Variants in GRIA1 observed in about 807,000 individuals in gnomAD.
GRIA1 encodes the protein glutamate ionotropic receptor AMPA type subunit 1, also known as glutamate receptor 1.
A neutral mutation model predicts 99.2 loss-of-function variants in GRIA1; 31 were observed. That is an observed-to-expected ratio of 0.31 (90% CI 0.23 to 0.42). GRIA1 has a LOEUF of 0.42. Ranked by LOEUF, GRIA1 falls within the 10% of genes least tolerant of loss-of-function variation. The probability of loss-of-function intolerance (pLI) is 1.00; values close to 1 mark genes in which losing one functional copy is unlikely to be tolerated. For synonymous variants in GRIA1, 438 were observed against 432.4 expected (o/e 1.01, Z -0.16); for missense variants, 782 against 1,157.5 (o/e 0.68, Z 4.71).
At chr5:153,612,158 C>T (rs1488025918) in intron 2 of GRIA1, among the ~76,000 whole-genome samples, 2 of 152,160 alleles carry the variant, frequency 1.3e-5, no homozygotes, top group African/African-American at 4.8e-5. Flanking sequence ...GCCATTGGCA[C>T]CTAGGTGGGA....
chr5:153,530,371 T>A (rs1484458222), intron 2 of GRIA1, among the ~76,000 whole-genome samples: 1 of 152,240 alleles, frequency 6.6e-6, no homozygotes, highest in African/African-American at 2.4e-5. Context: ...ATGCGACAGT[T>A]TGCTCTCCAA....
At chr5:153,496,595 C>T (rs1025119210) in intron 2 of GRIA1, among the ~76,000 whole-genome samples, 24 of 152,202 alleles carry the variant, frequency 1.6e-4, no homozygotes, top group Middle Eastern at 6.8e-3. Flanking sequence ...GCTGGAGGAG[C>T]CTCTCTTAAA....
intron 2 of GRIA1, among the ~76,000 whole-genome samples, chr5:153,622,987 G>A (rs1054458675): frequency 6.6e-6 from 1 of 152,226 alleles, no homozygotes; most frequent in Non-Finnish European, 1.5e-5. Context: ...AGTGAGAGGA[G>A]TTGATCACTT....
intron 7 of GRIA1, among the ~76,000 whole-genome samples, chr5:153,685,961 T>G (rs1757311039): frequency 6.6e-6 from 1 of 152,206 alleles, no homozygotes; most frequent in Non-Finnish European, 1.5e-5. Flanking sequence ...CATTTCACAT[T>G]AGTATGCACT....
chr5:153,539,414 T>A (rs902624335), intron 2 of GRIA1, among the ~76,000 whole-genome samples: 1 of 152,236 alleles, frequency 6.6e-6, no homozygotes, highest in Non-Finnish European at 1.5e-5. Flanking sequence ...TTTCACTTAA[T>A]AGCAGGAATA....
intron 2 of GRIA1, among the ~76,000 whole-genome samples, chr5:153,601,454 T>C (rs908554983): frequency 2.6e-5 from 4 of 152,246 alleles, no homozygotes; most frequent in Non-Finnish European, 4.4e-5. Context: ...GCATTTTTGG[T>C]TTCTGACCTT....
At chr5:153,788,717 T>A (rs1159658050) in intron 13 of GRIA1, among the ~76,000 whole-genome samples, 1 of 152,242 alleles carries the variant, frequency 6.6e-6, no homozygotes, top group Non-Finnish European at 1.5e-5. Context: ...GCATGAACCA[T>A]GTTTGTCTTA....
chr5:153,767,320 A>G (rs1299604226), intron 12 of GRIA1, among the ~76,000 whole-genome samples: 1 of 152,188 alleles, frequency 6.6e-6, no homozygotes, highest in Non-Finnish European at 1.5e-5. Context: ...AGGTTATGCT[A>G]CTTGCCCAAC....
At chr5:153,753,922 G>A (rs1015498908) in intron 11 of GRIA1, among the ~76,000 whole-genome samples, 1 of 152,198 alleles carries the variant, frequency 6.6e-6, no homozygotes. Flanking sequence ...AAATTTCCAA[G>A]TGCTTTCCCC....
At position 153,770,329 on chromosome 5, in the gene GRIA1, G is replaced by A. The variant is rs1226307067; in HGVS notation, c.2184G>A (p.Gln728=). The change falls in exon 13 of 16, where the codon CAG becomes CAA. Residue 728 remains glutamine, a synonymous_variant. Transcript: ENST00000285900. ...LESTMNEYIE[Q]RKPCDTMKVG... is the part of the protein sequence containing the mutation. ...CCACCATGAATGAGTACATTGAGCA[G>A]CGGAAACCCTGTGACACCATGAAGG... The A allele has an allele frequency of 6.2e-7, 1 of 1,614,002 alleles. No individual in the cohort carries two copies. Among genetic ancestry groups the A allele is most frequent in the Non-Finnish European group, 8.5e-7 (1 of 1,179,920 alleles).
At position 153,691,506 on chromosome 5, in the gene GRIA1, G is replaced by A. The variant is rs13358769; in HGVS notation, c.1134+5177G>A. On this transcript the variant is annotated intron_variant, in intron 8 of 15. Coordinates refer to ENST00000285900, the MANE Select transcript of GRIA1 (RefSeq NM_000827.4). ...GTTTATTATCCCCACTTCTGACCCT[G>A]TGTATAACTAGAATGAAAAGACTGG... 5.6e-3 allele frequency among the ~76,000 whole-genome samples: 853 copies of A among 152,234 alleles called. 9 individuals are homozygous for A. The highest frequency in any genetic ancestry group is 0.02 in the African/African-American group (815 of 41,538).
At chr5:153,688,034 A>G (rs11958105) in intron 8 of GRIA1, among the ~76,000 whole-genome samples, 25,822 of 152,132 alleles carry the variant, frequency 0.17, 2,487 homozygotes, top group African/African-American at 0.25. Context: ...AAGGCCACCT[A>G]TATTCCTTGG....
At chr5:153,522,101 T>G (rs1003202208) in intron 2 of GRIA1, among the ~76,000 whole-genome samples, 1 of 152,210 alleles carries the variant, frequency 6.6e-6, no homozygotes, top group African/African-American at 2.4e-5. Flanking sequence ...ACACATTGCC[T>G]GTGGATAAGT....
chr5:153,647,696 T>C (rs78478407), intron 3 of GRIA1, among the ~76,000 whole-genome samples: 6,215 of 152,322 alleles, frequency 0.041, 145 homozygotes, highest in Middle Eastern at 0.088. Flanking sequence ...CTTTCTCTGT[T>C]TTAGATGTTA....
intron 2 of GRIA1, among the ~76,000 whole-genome samples, chr5:153,561,966 C>G (rs72800792): frequency 1.3e-5 from 2 of 152,028 alleles, no homozygotes; most frequent in Admixed American, 1.3e-4. Flanking sequence ...TAAAGCAAAG[C>G]GATAGAACAC....
At position 153,506,567 on chromosome 5, in the gene GRIA1, G is replaced by A. The variant is rs1394832495; in HGVS notation, c.220+12502G>A. On this transcript the variant is annotated intron_variant, in intron 2 of 15. Transcript: ENST00000285900. The stretch of plus-strand genomic sequence containing the variant: ...TTAGAAAGGAGTCTCCCTTGAGCAA[G>A]CAGGATAAGCTCCAGCATCCCTAAT... Among the ~76,000 whole-genome samples the A allele has an allele frequency of 2.0e-5, 3 of 152,098 alleles. No homozygotes were observed. In the East Asian group the frequency reaches 5.8e-4, roughly 29 times the overall value.
At chr5:153,604,659 C>T (rs745719589) in intron 2 of GRIA1, among the ~76,000 whole-genome samples, 29 of 152,146 alleles carry the variant, frequency 1.9e-4, no homozygotes, top group Non-Finnish European at 5.9e-5. Context: ...TTCTTTAGAA[C>T]TTTACCACCT....
At chr5:153,645,356 C>A (rs1302001970) in intron 2 of GRIA1, among the ~76,000 whole-genome samples, 1 of 152,138 alleles carries the variant, frequency 6.6e-6, no homozygotes, top group East Asian at 1.9e-4. Context: ...ACCTTTAAAG[C>A]CCATTTTCTC....
chr5:153,772,690 G>C (rs1451928982), intron 13 of GRIA1, among the ~76,000 whole-genome samples: 1 of 152,164 alleles, frequency 6.6e-6, no homozygotes, highest in Non-Finnish European at 1.5e-5. Context: ...CTCTTTACAA[G>C]TTTGAGCAAA....
Sources: allele counts gnomAD v4.1 joint callset (sites outside exome capture counted in the v4.1 genomes callset), GRCh38; gene constraint gnomAD v4.1.1; transcripts MANE v1.5; gene names NCBI Gene and HGNC (gene_info 2026-07-23, HGNC 2026-07-21).